Variants in CCDC141 observed in about 807,000 individuals in gnomAD.
The protein encoded by CCDC141 is coiled-coil domain-containing protein 141.
CCDC141 carries 168 observed loss-of-function variants against 181.0 expected under a neutral mutation model. The observed-to-expected ratio is 0.93, with a 90% CI of 0.82 to 1.05. The LOEUF (loss-of-function observed/expected upper bound fraction) is 1.05, where lower values mean the gene tolerates loss of function less well. Among genes scored for constraint, CCDC141 ranks in the 50% least tolerant of loss-of-function variants. The pLI, the probability that CCDC141 is intolerant of heterozygous loss-of-function variation, is 0.00. For missense variants in CCDC141, 1,902 were observed against 1,788.5 expected, an observed-to-expected ratio of 1.06 and a Z score of -1.14; for synonymous variants, 666 against 642.3, an observed-to-expected ratio of 1.04 and a Z score of -0.56.
At chr2:178,953,967 T>C (rs568609738) in intron 5 of CCDC141, among the ~76,000 whole-genome samples, 19 of 152,350 alleles carry the variant, frequency 1.2e-4, no homozygotes, top group African/African-American at 4.3e-4. Context: ...ATATACTGCA[T>C]GATTATGATA....
At chr2:178,866,519 A>T (rs866271410) in intron 16 of CCDC141, among the ~76,000 whole-genome samples, 1 of 152,254 alleles carries the variant, frequency 6.6e-6, no homozygotes, top group African/African-American at 2.4e-5. Context: ...CTTTCAGTTT[A>T]AAAAATACAT....
chr2:179,007,140 A>AGGGTATCTG (rs1474862062), intron 2 of CCDC141, among the ~76,000 whole-genome samples: 3 of 152,196 alleles, frequency 2.0e-5, no homozygotes, highest in African/African-American at 7.2e-5. Flanking sequence ...TTTTCTGCTG[A>AGGGTATCTG]GGGTATCTGT....
At position 178,831,742 on chromosome 2, in the gene CCDC141, G is replaced by A. The variant is rs575250714; in HGVS notation, c.*2431C>T. 2 of 152,216 alleles carry A rather than the reference G, an allele frequency of 1.3e-5. No homozygotes were observed. The highest frequency in any genetic ancestry group is 2.9e-5 in the Non-Finnish European group (2 of 68,014). 9.4% of individuals were successfully genotyped at this position (152,216 alleles called of 1,614,324 possible). On this transcript the variant is annotated 3_prime_UTR_variant, in exon 24 of 24. Transcript: ENST00000443758. The stretch of plus-strand genomic sequence containing the variant: ...AATAACTGCGTAATTATTCTTTACT[G>A]CTGTGGGAGTCAATCAATAGCCCAG...
At chr2:178,827,786 G>A (rs1223981881), downstream of CCDC141, among the ~76,000 whole-genome samples, 1 of 152,064 alleles carries the variant, frequency 6.6e-6, no homozygotes, top group East Asian at 1.9e-4. Flanking sequence ...TAGCTTCCTA[G>A]GGCTGCCATA....
intron 4 of CCDC141, among the ~76,000 whole-genome samples, chr2:178,967,100 A>G (rs1690674131): frequency 6.6e-6 from 1 of 152,164 alleles, no homozygotes; most frequent in South Asian, 2.1e-4. Context: ...ATATGGGACT[A>G]TGTGAAAAGA....
intron 20 of CCDC141, among the ~76,000 whole-genome samples, chr2:178,851,486 C>A (rs1685164324): frequency 6.6e-6 from 1 of 152,018 alleles, no homozygotes; most frequent in African/African-American, 2.4e-5. Flanking sequence ...GTGACTGGTG[C>A]CCTTACAAGA....
At chr2:179,024,732 C>T (rs1339565828) in intron 2 of CCDC141, among the ~76,000 whole-genome samples, 1 of 152,160 alleles carries the variant, frequency 6.6e-6, no homozygotes, top group Non-Finnish European at 1.5e-5. Context: ...TTAGAATTTC[C>T]TTTTCTCCAA....
At chr2:178,816,856 C>T in the CCDC141 span, among the ~76,000 whole-genome samples, 1 of 152,134 alleles carries the variant, frequency 6.6e-6, no homozygotes, top group Non-Finnish European at 1.5e-5. Flanking sequence ...AAACGTGGCT[C>T]CTGGGTGGTA....
intron 2 of CCDC141, among the ~76,000 whole-genome samples, chr2:179,038,189 G>C (rs918660332): frequency 6.6e-6 from 1 of 152,150 alleles, no homozygotes; most frequent in African/African-American, 2.4e-5. Context: ...ATTCAAAAAG[G>C]AATGAAGGTC....
chr2:178,976,715 T>G (rs989755197), intron 3 of CCDC141, among the ~76,000 whole-genome samples: 3 of 152,186 alleles, frequency 2.0e-5, no homozygotes, highest in African/African-American at 7.2e-5. Flanking sequence ...CATAATTCAA[T>G]AAGGGGGTCA....
At chr2:179,041,726 C>G in intron 2 of CCDC141, among the ~76,000 whole-genome samples, 1 of 151,704 alleles carries the variant, frequency 6.6e-6, no homozygotes, top group East Asian at 1.9e-4. Context: ...GAAAATTTGC[C>G]AAGCAAATAG....
chr2:178,927,114 T>C (rs1218078722), intron 6 of CCDC141, among the ~76,000 whole-genome samples: 1 of 152,216 alleles, frequency 6.6e-6, no homozygotes, highest in Non-Finnish European at 1.5e-5. Flanking sequence ...ACTTGTCTTC[T>C]AACAAAATTC....
chr2:178,878,621 T>C (rs910813468), intron 11 of CCDC141, among the ~76,000 whole-genome samples: 5 of 151,914 alleles, frequency 3.3e-5, no homozygotes, highest in Admixed American at 6.6e-5. Flanking sequence ...CCCCAGCCCA[T>C]TTTCAGAATT....
chr2:178,929,254 T>C (rs1395018496), intron 6 of CCDC141, among the ~76,000 whole-genome samples: 1 of 152,214 alleles, frequency 6.6e-6, no homozygotes, highest in Non-Finnish European at 1.5e-5. Context: ...ATATATTTTA[T>C]AGTGATTTTA....
chr2:179,014,082 T>C lies in CCDC141; in HGVS notation c.225+33202A>G, dbSNP rs1430457371. ...ATGATACTGGTATAAAAATAGACAA[T>C]AGACACATGGAACAGAGAAACCACA... On this transcript the variant is annotated intron_variant, in intron 2 of 23. Coordinates refer to ENST00000443758, the MANE Select transcript of CCDC141 (RefSeq NM_173648.4). Among the ~76,000 whole-genome samples the C allele has an allele frequency of 4.3e-5, 6 of 139,228 alleles. 1 individual carries two copies. Among genetic ancestry groups the C allele is most frequent in the Admixed American group, 3.7e-4 (5 of 13,528 alleles). 91.3% of individuals were successfully genotyped at this position (139,228 alleles called of 152,430 possible).
intron 2 of CCDC141, among the ~76,000 whole-genome samples, chr2:179,035,633 G>A (rs2043125207): frequency 1.3e-5 from 2 of 152,180 alleles, no homozygotes; most frequent in Admixed American, 1.3e-4. Flanking sequence ...TTGACTGTTG[G>A]ATTTCAGCCA....
chr2:178,955,869 C>G (rs753513209), intron 5 of CCDC141, among the ~76,000 whole-genome samples: 16 of 152,204 alleles, frequency 1.1e-4, no homozygotes, highest in Non-Finnish European at 1.6e-4. Context: ...CATTATTAAA[C>G]TGACTTTTAT....
chr2:178,960,334 T>C (rs908439361), intron 5 of CCDC141, among the ~76,000 whole-genome samples: 1 of 152,212 alleles, frequency 6.6e-6, no homozygotes, highest in Non-Finnish European at 1.5e-5. Flanking sequence ...TTTTTCCAGC[T>C]TGAAATAAGA....
intron 2 of CCDC141, among the ~76,000 whole-genome samples, chr2:179,009,314 T>TC (rs980341152): frequency 6.6e-6 from 1 of 152,148 alleles, no homozygotes; most frequent in Non-Finnish European, 1.5e-5. Flanking sequence ...TAAATAGTTC[T>TC]CCCCCCTGGG....
Sources: gnomAD v4.1 joint callset for allele counts (sites outside exome capture counted in the v4.1 genomes callset) on GRCh38, gnomAD v4.1.1 for gene constraint, MANE v1.5 for transcripts, NCBI Gene and HGNC (gene_info 2026-07-23, HGNC 2026-07-21) for gene names.